Variants in RASGRP3 observed in about 807,000 individuals in gnomAD.
RASGRP3 encodes the protein ras guanyl-releasing protein 3.
RASGRP3 carries 54 observed loss-of-function variants against 82.7 expected under a neutral mutation model. The ratio of observed to expected loss-of-function variants is 0.65; its 90% CI spans 0.52 to 0.82. The LOEUF (loss-of-function observed/expected upper bound fraction) is 0.82. RASGRP3 is among the 40% of genes least tolerant of loss of function. RASGRP3 has a pLI of 0.00. For missense variants in RASGRP3, 861 were observed against 828.9 expected, an observed-to-expected ratio of 1.04 and a Z score of -0.48; for synonymous variants, 309 against 300.5, an observed-to-expected ratio of 1.03 and a Z score of -0.29.
intron 7 of RASGRP3, 110 bp from the exon 8 acceptor site, chr2:33,523,764 TAAAAG>T: frequency 9.2e-7 from 1 of 1,082,014 alleles, no homozygotes; most frequent in Non-Finnish European, 1.3e-6. Context: ...AAATGTGAAA[TAAAAG>T]AAATTGTGTT....
chr2:33,547,332 A>G (rs1351868893), intron 13 of RASGRP3, among the ~76,000 whole-genome samples: 2 of 126,830 alleles, frequency 1.6e-5, no homozygotes, highest in Non-Finnish European at 3.2e-5. Flanking sequence ...AAGCTTGAGA[A>G]TATAGAATCC....
intron 1 of RASGRP3, among the ~76,000 whole-genome samples, chr2:33,509,080 C>T (rs182395856): frequency 1.4e-4 from 21 of 152,112 alleles, no homozygotes; most frequent in Admixed American, 1.4e-3. Flanking sequence ...GTGAAGAGGA[C>T]GTTAAGATAC....
chr2:33,483,072 G>T (rs1215116859), intron 1 of RASGRP3: 1 of 151,818 alleles, frequency 6.6e-6, no homozygotes, highest in Non-Finnish European at 1.5e-5. Flanking sequence ...TAAGTTAAAA[G>T]TATACCTTCC....
rs1676991258 is a variant in RASGRP3 at position 33,564,105 on chromosome 2, C to G, written c.*1368C>G. ...CAGTAAAGCCTTTCTCCTTTCTTTT[C>G]TCCATTGAGGACAGTTCTGCTCAGC... On this transcript the variant is annotated 3_prime_UTR_variant, in exon 18 of 18. Transcript: ENST00000403687. 6.6e-6 allele frequency: 1 copy of G among 152,232 alleles called. No homozygotes were observed. The highest frequency in any genetic ancestry group is 2.4e-5 in the African/African-American group (1 of 41,438). 9.4% of individuals were successfully genotyped at this position (152,232 alleles called of 1,614,324 possible). A position where few individuals can be genotyped will look rare whatever the true frequency, so the allele number is the denominator to read the frequency against.
rs1672323044 is a variant in RASGRP3, at chr2:33,524,408, A to G, written c.691-24A>G. Reference sequence around the variant, plus strand: ...TAGAATAATTTGAAAATCCTTAAAAAGCATTGATGCATTTTTATTGCAGAA... The same window carrying G: ...TAGAATAATTTGAAAATCCTTAAAAGGCATTGATGCATTTTTATTGCAGAA... On this transcript the variant is annotated intron_variant, in intron 8 of 17. Coordinates refer to ENST00000403687, the MANE Select transcript of RASGRP3 (RefSeq NM_001139488.2). The G allele has an allele frequency of 2.9e-6, 4 of 1,394,442 alleles. No individual in the cohort carries two copies. In the South Asian group the frequency reaches 5.2e-5, roughly 18 times the overall value. 86.4% of individuals were successfully genotyped at this position (1,394,442 alleles called of 1,614,324 possible). A position where few individuals can be genotyped will look rare whatever the true frequency, so the allele number is the denominator to read the frequency against.
intron 13 of RASGRP3, among the ~76,000 whole-genome samples, chr2:33,549,110 G>A (rs779465982): frequency 9.2e-5 from 14 of 152,112 alleles, no homozygotes; most frequent in Non-Finnish European, 7.3e-5. Flanking sequence ...CCAGCCAGTC[G>A]CAGTGAATGG....
intron 2 of RASGRP3, among the ~76,000 whole-genome samples, chr2:33,512,405 A>C (rs553666185): frequency 5.3e-5 from 8 of 152,334 alleles, no homozygotes; most frequent in African/African-American, 1.9e-4. Context: ...CAGGCTAAAA[A>C]AAAATGTCTG....
Position 33,489,187 on chromosome 2 carries a change from C to T in RASGRP3, c.-261+12480C>T, listed in dbSNP as rs530122772. On this transcript the variant is annotated intron_variant, in intron 1 of 17. Coordinates refer to ENST00000403687, the MANE Select transcript of RASGRP3 (RefSeq NM_001139488.2). ...CAGCCCTGCATGACAATCAATTATC[C>T]AACCAAATATGTCAATAGTACCAAG... Among the ~76,000 whole-genome samples, 38 of 152,260 alleles carry T rather than the reference C, an allele frequency of 2.5e-4. 1 individual carries two copies. In the South Asian group the frequency reaches 6.2e-3, roughly 25 times the overall value.
intron 14 of RASGRP3, among the ~76,000 whole-genome samples, chr2:33,550,108 T>C (rs1055055962): frequency 1.3e-5 from 2 of 152,204 alleles, no homozygotes; most frequent in African/African-American, 4.8e-5. Context: ...CCTTCCAGTT[T>C]TCATTTCATG....
At chr2:33,517,296 A>G (rs1671562326) in intron 4 of RASGRP3, among the ~76,000 whole-genome samples, 1 of 152,220 alleles carries the variant, frequency 6.6e-6, no homozygotes, top group African/African-American at 2.4e-5. Flanking sequence ...ATGACTGAAA[A>G]TGCAGTCTCC....
chr2:33,559,271 C>T (rs539603275), intron 17 of RASGRP3, among the ~76,000 whole-genome samples: 7 of 152,146 alleles, frequency 4.6e-5, no homozygotes, highest in Non-Finnish European at 8.8e-5. Context: ...GTTCTGAAAC[C>T]TATTGAAGGC....
At position 33,527,386 on chromosome 2, in the gene RASGRP3, A is replaced by G; in HGVS notation, c.1057A>G (p.Asn353Asp). 2 of 1,613,626 alleles carry G rather than the reference A, an allele frequency of 1.2e-6. No individual in the cohort carries two copies. The highest frequency in any genetic ancestry group is 1.7e-6 in the Non-Finnish European group (2 of 1,179,586). The change falls in exon 10 of 18, where the codon AAC becomes GAC. Residue 353 changes from asparagine (N) to aspartate (D), a missense_variant. Asn to Asp is a conservative substitution (Grantham distance 23). Transcript: ENST00000403687. ...GAATGCCTCTCACCACTTAGAACCCAACATGGATTTGATCAACCTGCTCAC... is the reference window on the plus strand; with the variant it reads ...GAATGCCTCTCACCACTTAGAACCCGACATGGATTTGATCAACCTGCTCAC... ...LQNASHHLEP[N>D]MDLINLLTLS...
At chr2:33,455,953 CAGTT>C (rs1382790058) in intron 2 of RASGRP3, among the ~76,000 whole-genome samples, 1 of 152,160 alleles carries the variant, frequency 6.6e-6, no homozygotes, top group Non-Finnish European at 1.5e-5. Flanking sequence ...AGCTGGATAT[CAGTT>C]AGACAATTTC....
At chr2:33,516,282 C>G (rs998219514) in intron 3 of RASGRP3, among the ~76,000 whole-genome samples, 2 of 152,120 alleles carry the variant, frequency 1.3e-5, no homozygotes, top group Non-Finnish European at 2.9e-5. Context: ...GTGGCAGGCG[C>G]CTGTAGTCCC....
At chr2:33,534,648 C>A (rs991276984) in intron 11 of RASGRP3, among the ~76,000 whole-genome samples, 1 of 151,844 alleles carries the variant, frequency 6.6e-6, no homozygotes, top group Non-Finnish European at 1.5e-5. Context: ...CCTGCTTCAG[C>A]CTCCCAAGTA....
rs900105143 is a variant in RASGRP3, at chr2:33,537,292, C to T, written c.1162-1802C>T. On this transcript the variant is annotated intron_variant, in intron 11 of 17. Transcript: ENST00000403687. ...TCCAGCCTGGGCAACATAGTGAGAC[C>T]CTGTCTCTAAAATACACACACACAC... is the stretch of plus-strand genomic sequence containing the variant. Among the ~76,000 whole-genome samples, 9 of 143,300 alleles carry T rather than the reference C, an allele frequency of 6.3e-5. No homozygotes were observed. In the Admixed American group the frequency reaches 6.6e-4, roughly 11 times the overall value. 94.0% of individuals were successfully genotyped at this position (143,300 alleles called of 152,430 possible).
At position 33,450,818 on chromosome 2, in the gene RASGRP3, C is replaced by CTTTTT. The variant is rs879744839; in HGVS notation, c.-261+2878_-261+2879insTTTTT. Among the ~76,000 whole-genome samples the CTTTTT allele has an allele frequency of 2.5e-3, 108 of 43,386 alleles. 8 individuals are homozygous for CTTTTT. Among genetic ancestry groups the CTTTTT allele is most frequent in the Admixed American group, 4.6e-3 (14 of 3,038 alleles). The allele number at this position is 43,386 out of a possible 152,430, so 28.5% of individuals were successfully genotyped here. Reference sequence around the variant, plus strand: ...CTTTTCTTTCTTTTTCTCTTTCTTTCTTTCTTTTTTTTTTTTTTTTTTTTT... The same window carrying CTTTTT: ...CTTTTCTTTCTTTTTCTCTTTCTTTCTTTTTTTTCTTTTTTTTTTTTTTTTTTTTT... On this transcript the variant is annotated intron_variant, in intron 2 of 18. Coordinates refer to the RASGRP3 transcript ENST00000402538.
intron 1 of RASGRP3, among the ~76,000 whole-genome samples, chr2:33,506,003 T>C (rs779083220): frequency 1.8e-4 from 28 of 152,246 alleles, no homozygotes; most frequent in Non-Finnish European, 3.8e-4. Flanking sequence ...TGGTTGCCAA[T>C]ATTCAATACC....
chr2:33,505,587 C>G (rs1245946879), intron 1 of RASGRP3, among the ~76,000 whole-genome samples: 1 of 152,180 alleles, frequency 6.6e-6, no homozygotes, highest in Non-Finnish European at 1.5e-5. Flanking sequence ...GCGTGAGCCA[C>G]CATGCCAGCA....
Sources: allele counts gnomAD v4.1 joint callset (sites outside exome capture counted in the v4.1 genomes callset), GRCh38; gene constraint gnomAD v4.1.1; transcripts MANE v1.5; gene names NCBI Gene and HGNC (gene_info 2026-07-23, HGNC 2026-07-21).